MRC1: variants seen among roughly 807,000 people sequenced by gnomAD.
The protein encoded by MRC1 is mannose receptor C-type 1.
MRC1 carries 62 observed loss-of-function variants against 102.9 expected under a neutral mutation model. The observed-to-expected ratio is 0.60, with a 90% CI of 0.49 to 0.74. The LOEUF (loss-of-function observed/expected upper bound fraction) is 0.74, where lower values mean the gene tolerates loss of function less well. MRC1 is among the 30% of genes least tolerant of loss of function. MRC1 has a pLI of 0.00. For synonymous variants in MRC1, 457 were observed against 298.4 expected (o/e 1.53, Z -5.48); for missense variants, 1,237 against 862.8 (o/e 1.43, Z -5.43).
chr10:17,835,412 T>C (rs1302924559), intron 4 of MRC1, among the ~76,000 whole-genome samples: 2 of 152,216 alleles, frequency 1.3e-5, no homozygotes, highest in Admixed American at 1.3e-4. Flanking sequence ...AAGCTGACCC[T>C]GTCTTGTCCA....
At chr10:17,834,384 G>A (rs1838629157) in intron 4 of MRC1, among the ~76,000 whole-genome samples, 1 of 152,110 alleles carries the variant, frequency 6.6e-6, no homozygotes, top group East Asian at 1.9e-4. Context: ...AATGTGTTTG[G>A]TTTTGATGTT....
intron 13 of MRC1, 27 bp downstream of exon 13, chr10:17,870,400 C>A: frequency 1.3e-6 from 1 of 779,812 alleles, no homozygotes; most frequent in Non-Finnish European, 2.4e-6. Flanking sequence ...TGGATTCCTC[C>A]TTTTTGTTAT....
Position 17,872,134 on chromosome 10 carries a change from C to T in MRC1, c.2344+8C>T. The T allele has an allele frequency of 1.3e-6, 1 of 780,530 alleles. No homozygotes were observed. 48.4% of individuals were successfully genotyped at this position (780,530 alleles called of 1,614,324 possible). On this transcript the variant is annotated splice_region_variant and intron_variant, in intron 15 of 29. Transcript: ENST00000569591. ...TTTGCCAGATACAAAAAGGTATGAT[C>T]ACCTCTTCTCTCCTTTATCTCAGCT...
intron 17 of MRC1, among the ~76,000 whole-genome samples, chr10:17,876,082 A>G (rs979933545): frequency 0.014 from 2,091 of 152,270 alleles, 19 homozygotes; most frequent in Non-Finnish European, 0.021. Context: ...TGTGATAAAC[A>G]AAGTGTCTAC....
chr10:17,822,576 G>A (rs941336911), intron 1 of MRC1, among the ~76,000 whole-genome samples: 18 of 152,328 alleles, frequency 1.2e-4, no homozygotes, highest in Non-Finnish European at 2.5e-4. Flanking sequence ...AGCCATGATT[G>A]CACCACTGCA....
At chr10:17,826,295 C>T (rs1009833607) in intron 2 of MRC1, among the ~76,000 whole-genome samples, 62 of 152,158 alleles carry the variant, frequency 4.1e-4, no homozygotes, top group African/African-American at 1.3e-3. Context: ...CTCCGCCTCC[C>T]GGGTTCAAGC....
chr10:17,833,059 T>C (rs1387789199), intron 3 of MRC1, among the ~76,000 whole-genome samples: 2 of 150,504 alleles, frequency 1.3e-5, no homozygotes, highest in African/African-American at 4.9e-5. Flanking sequence ...TCTATTGTCT[T>C]TATATTTGTC....
At chr10:17,863,371 A>T (rs1833213429) in intron 10 of MRC1, among the ~76,000 whole-genome samples, 163 bp from the exon 11 acceptor site, 1 of 152,180 alleles carries the variant, frequency 6.6e-6, no homozygotes, top group Admixed American at 6.5e-5. Flanking sequence ...CTTGGTGACA[A>T]TGTGTATAAT....
At position 17,863,562 on chromosome 10, in the gene MRC1, G is replaced by A. The variant is rs1160723017; in HGVS notation, c.1663G>A (p.Val555Ile). Residue 555 changes from valine to isoleucine, a missense_variant, in exon 11 of 30, where the codon GTT becomes ATT. Coordinates refer to ENST00000569591, the MANE Select transcript of MRC1 (RefSeq NM_002438.4). ...RYEQAFLTSF[V>I]GLRPEKYFWT... is the part of the protein sequence containing the mutation. ...TGAACAAGCCTTCCTGACTAGTTTC[G>A]TTGGCTTAAGGCCTGAAAAATATTT... The A allele has an allele frequency of 3.7e-5, 29 of 780,592 alleles. No homozygotes were observed. The highest frequency in any genetic ancestry group is 1.7e-4 in the African/African-American group (10 of 59,082). The allele number at this position is 780,592 out of a possible 1,614,324, so 48.4% of individuals were successfully genotyped here. A position where few individuals can be genotyped will look rare whatever the true frequency, so the allele number is the denominator to read the frequency against.
intron 26 of MRC1, among the ~76,000 whole-genome samples, chr10:17,905,323 T>G (rs1188063123): frequency 1.3e-5 from 2 of 152,220 alleles, no homozygotes; most frequent in African/African-American, 2.4e-5. Flanking sequence ...CATAAATGCT[T>G]CTTGAATTAT....
At chr10:17,874,992 T>C in intron 16 of MRC1, 98 bp from the exon 17 acceptor site, 1 of 769,058 alleles carries the variant, frequency 1.3e-6, no homozygotes, top group Non-Finnish European at 2.4e-6. Flanking sequence ...TGCCTCTTGA[T>C]ATAGCAGCTC....
intron 6 of MRC1, among the ~76,000 whole-genome samples, chr10:17,848,589 A>G (rs1838864714): frequency 6.6e-6 from 1 of 152,178 alleles, no homozygotes; most frequent in South Asian, 2.1e-4. Flanking sequence ...CTTGTGATTT[A>G]CAAGCACACT....
intron 5 of MRC1, among the ~76,000 whole-genome samples, chr10:17,844,908 A>G (rs1838802611): frequency 6.6e-6 from 1 of 151,952 alleles, no homozygotes; most frequent in African/African-American, 2.4e-5. Flanking sequence ...GGACATGATG[A>G]TTTCATTTTT....
chr10:17,815,063 TAAC>T (rs1266578171), intron 1 of MRC1, among the ~76,000 whole-genome samples: 1 of 152,172 alleles, frequency 6.6e-6, no homozygotes, highest in Admixed American at 6.5e-5. Flanking sequence ...TTTGCCAAGT[TAAC>T]AATAATAATA....
intron 15 of MRC1, 63 bp downstream of exon 15, chr10:17,872,189 TCTTTC>T: frequency 1.3e-6 from 1 of 779,024 alleles, no homozygotes; most frequent in Non-Finnish European, 2.4e-6. Flanking sequence ...CACCCCAGAA[TCTTTC>T]CTTTATTAGC....
intron 22 of MRC1, among the ~76,000 whole-genome samples, chr10:17,887,269 T>G (rs1833611094): frequency 6.6e-6 from 1 of 152,136 alleles, no homozygotes; most frequent in African/African-American, 2.4e-5. Flanking sequence ...TGGGCGCCTG[T>G]CATCCCAGCT....
At chr10:17,848,332 TC>T (rs781980500) in intron 6 of MRC1, among the ~76,000 whole-genome samples, 192 of 152,280 alleles carry the variant, frequency 1.3e-3, no homozygotes, top group Non-Finnish European at 2.1e-3. Context: ...CAGCCATATA[TC>T]AACTATAACT....
intron 3 of MRC1, among the ~76,000 whole-genome samples, chr10:17,829,027 C>T (rs951315274): frequency 4.0e-5 from 6 of 151,594 alleles, no homozygotes; most frequent in African/African-American, 1.5e-4. Context: ...CCCGACCTCT[C>T]ACCTGCTACT....
intron 22 of MRC1, among the ~76,000 whole-genome samples, chr10:17,892,744 G>C (rs1219014930): frequency 2.0e-5 from 3 of 152,124 alleles, no homozygotes; most frequent in Non-Finnish European, 2.9e-5. Context: ...AGGCGTGGTG[G>C]CTCATGCCTG....
Sources: gnomAD v4.1 joint callset for allele counts (sites outside exome capture counted in the v4.1 genomes callset) on GRCh38, gnomAD v4.1.1 for gene constraint, MANE v1.5 for transcripts, NCBI Gene and HGNC (gene_info 2026-07-23, HGNC 2026-07-21) for gene names.